PCDHA6: variants seen among roughly 807,000 people sequenced by gnomAD.
PCDHA6 encodes protocadherin alpha-6.
In PCDHA6, 55 loss-of-function variants were observed where a neutral mutation model predicts 60.3. That is an observed-to-expected ratio of 0.91 (90% confidence interval 0.73 to 1.14). PCDHA6 has a LOEUF of 1.14. PCDHA6 is among the 50% of genes most tolerant of loss of function. PCDHA6 has a pLI of 0.00. For missense variants in PCDHA6, 1,327 were observed against 1,256.5 expected (o/e 1.06, Z -0.85); for synonymous variants, 652 against 557.9 (o/e 1.17, Z -2.38).
intron 1 of PCDHA6, among the ~76,000 whole-genome samples, chr5:140,918,586 G>A (rs2078766446): frequency 6.6e-6 from 1 of 152,188 alleles, no homozygotes; most frequent in South Asian, 2.1e-4. Context: ...TTGGCTATAT[G>A]TTCTATAGAT....
intron 3 of PCDHA6, among the ~76,000 whole-genome samples, chr5:141,001,540 G>A (rs1318714170): frequency 6.6e-6 from 1 of 152,174 alleles, no homozygotes; most frequent in African/African-American, 2.4e-5. Flanking sequence ...TCCTGGACAG[G>A]ATTTGGGTTT....
chr5:140,918,786 A>T (rs2078853629), intron 1 of PCDHA6, among the ~76,000 whole-genome samples: 1 of 147,002 alleles, frequency 6.8e-6, no homozygotes, highest in African/African-American at 2.6e-5. Context: ...ATGTGAGGAC[A>T]CAGCAAAAAT....
chr5:140,843,922 A>C, intron 1 of PCDHA6: 1 of 591,956 alleles, frequency 1.7e-6, no homozygotes, highest in Non-Finnish European at 2.9e-6. Flanking sequence ...CTATCTTGAA[A>C]CTCAAGTTAT....
Position 140,883,733 on chromosome 5 carries a change from C to T in PCDHA6, c.2394+53248C>T, listed in dbSNP as rs1554179634. 2.5e-6 allele frequency: 4 copies of T among 1,613,458 alleles called. No individual in the cohort carries two copies. In the East Asian group the frequency reaches 6.7e-5, roughly 27 times the overall value. On this transcript the variant is annotated intron_variant, in intron 1 of 3. Coordinates refer to ENST00000529310, the MANE Select transcript of PCDHA6 (RefSeq NM_018909.4). ...GGACGCGGACGCACAGGAGAACGCG[C>T]TGGTCTCCTACTCGCTGGTGGAGCG...
intron 1 of PCDHA6, among the ~76,000 whole-genome samples, chr5:140,936,969 A>G (rs1391736933): frequency 2.0e-5 from 3 of 152,202 alleles, no homozygotes; most frequent in African/African-American, 7.2e-5. Context: ...ATCTATAAAA[A>G]TATGAAGCTT....
chr5:140,979,329 C>T (rs782808442), intron 2 of PCDHA6, among the ~76,000 whole-genome samples: 3 of 152,162 alleles, frequency 2.0e-5, no homozygotes, highest in Non-Finnish European at 2.9e-5. Flanking sequence ...TTCTTTTCCT[C>T]CTTTAAAAAC....
In PCDHA6 at chr5:140,829,337, G is replaced by A. The variant is rs2150166119; in HGVS notation, c.1246G>A (p.Glu416Lys). 3.5e-5 allele frequency: 57 copies of A among 1,614,146 alleles called. No homozygotes were observed. The highest frequency in any genetic ancestry group is 4.6e-5 in the Non-Finnish European group (54 of 1,180,068). Reference protein sequence around the residue: ...SLVLDSALDRESVSAYELVVT... With the variant: ...SLVLDSALDRKSVSAYELVVT... ...GGTGCTGGACAGTGCCCTGGACCGC[G>A]AGAGCGTGTCGGCCTATGAGTTGGT... Residue 416 changes from glutamate (E) to lysine (K), a missense_variant, in exon 1 of 4, where the codon GAG (glutamate) becomes AAG (lysine). Physicochemically the swap from Glu to Lys is moderately conservative, Grantham distance 56. Coordinates refer to ENST00000529310, the MANE Select transcript of PCDHA6 (RefSeq NM_018909.4).
chr5:140,999,144 G>A (rs2097848915), intron 3 of PCDHA6, among the ~76,000 whole-genome samples: 1 of 152,200 alleles, frequency 6.6e-6, no homozygotes, highest in Non-Finnish European at 1.5e-5. Context: ...ACAGCCGGAA[G>A]TCTTCAGTCC....
chr5:140,915,887 TC>T (rs1276492784), intron 1 of PCDHA6, among the ~76,000 whole-genome samples: 1 of 152,078 alleles, frequency 6.6e-6, no homozygotes, highest in African/African-American at 2.4e-5. Context: ...GGTAGCAAGT[TC>T]CCCCTGGCCC....
chr5:140,875,529 G>T (rs369713851), intron 1 of PCDHA6: 5 of 1,613,994 alleles, frequency 3.1e-6, no homozygotes, highest in Admixed American at 1.7e-5. Context: ...TCTCGCTTCT[G>T]CTCCTTGCAG....
intron 1 of PCDHA6, chr5:140,926,299 C>G (rs547710989): frequency 3.9e-5 from 6 of 152,464 alleles, no homozygotes; most frequent in Admixed American, 3.9e-4. Context: ...GAGTCCCGCC[C>G]TCTCCGCCGG....
intron 1 of PCDHA6, chr5:140,968,417 G>T (rs1459159857): frequency 3.7e-6 from 6 of 1,614,036 alleles, no homozygotes; most frequent in Non-Finnish European, 5.1e-6. Flanking sequence ...GACTGTGGAG[G>T]CTCAGGACAA....
rs1437399739 is a variant in PCDHA6, at chr5:140,853,000, TC to T, written c.2394+22518del. 9.7e-6 allele frequency: 3 copies of T among 308,008 alleles called. No homozygotes were observed. The East Asian group carries it at 5.1e-4, about 53-fold the overall frequency. 19.1% of individuals were successfully genotyped at this position (308,008 alleles called of 1,614,324 possible). ...TTCACGCCATTCTCCTGCCTCAGCC[TC>T]CCGAGTAGCTGGGACTACAGGCGCC... On this transcript the variant is annotated intron_variant, in intron 1 of 3. Transcript: ENST00000529310.
In PCDHA6 at chr5:140,843,348, C is replaced by T; in HGVS notation, c.2394+12863C>T. The T allele has an allele frequency of 1.9e-6, 3 of 1,596,106 alleles. No homozygotes were observed. The South Asian group carries it at 3.3e-5, about 18-fold the overall frequency. On this transcript the variant is annotated intron_variant, in intron 1 of 3. Transcript: ENST00000529310. ...TCGCTGGTGGAGAGCGGCCAGGCTC[C>T]AAAAGCGTCATCGAGGCAGTCGGCT...
chr5:140,848,892 T>C, intron 1 of PCDHA6: 1 of 1,601,494 alleles, frequency 6.2e-7, no homozygotes, highest in East Asian at 2.2e-5. Context: ...CCCTCCAGTG[T>C]TCCCAGCGAC....
intron 1 of PCDHA6, chr5:140,851,516 T>A: frequency 1.1e-6 from 1 of 906,322 alleles, no homozygotes; most frequent in African/African-American, 1.8e-5. Context: ...AAATATGTTT[T>A]AAAATGCCTG....
In PCDHA6 at chr5:140,828,856, A is replaced by G. The variant is rs2150159802; in HGVS notation, c.765A>G (p.Ala255=). ...SEYEVRIFEN[A]DNGTTVIRLN... is the part of the protein sequence containing the mutation. The stretch of plus-strand genomic sequence containing the variant: ...ACGAAGTAAGAATATTCGAAAATGC[A>G]GACAACGGAACAACAGTTATCAGAC... Residue 255 remains alanine (A), a synonymous_variant, in exon 1 of 4, where the codon GCA becomes GCG. Transcript: ENST00000529310. The G allele has an allele frequency of 6.2e-7, 1 of 1,614,138 alleles. No homozygotes were observed. Among genetic ancestry groups the G allele is most frequent in the Non-Finnish European group, 8.5e-7 (1 of 1,180,058 alleles).
chr5:140,972,280 T>C (rs1210047183), intron 1 of PCDHA6, among the ~76,000 whole-genome samples: 1 of 151,092 alleles, frequency 6.6e-6, no homozygotes, highest in South Asian at 2.1e-4. Context: ...GCTTGGACCA[T>C]AGATGTGCGC....
chr5:140,828,922 T>G lies in PCDHA6; in HGVS notation c.831T>G (p.Ile277Met), dbSNP rs1770031528. 1.9e-6 allele frequency: 3 copies of G among 1,614,078 alleles called. No individual in the cohort carries two copies. The highest frequency in any genetic ancestry group is 2.7e-5 in the African/African-American group (2 of 74,926). Residue 277 changes from isoleucine to methionine, a missense_variant, in exon 1 of 4, where the codon ATT becomes ATG. Ile to Met is a conservative substitution (Grantham distance 10, BLOSUM62 1). Transcript: ENST00000529310. Reference sequence around the variant, plus strand: ...GGGATGAAGGAGCGAATGGGGCAATTTCATATTCTTTTAATAGCCTTGTTG... The same window carrying G: ...GGGATGAAGGAGCGAATGGGGCAATGTCATATTCTTTTAATAGCCTTGTTG... The part of the protein sequence containing the change: ...SDRDEGANGA[I>M]SYSFNSLVAA...
Sources: gnomAD v4.1 joint callset for allele counts (sites outside exome capture counted in the v4.1 genomes callset) on GRCh38, gnomAD v4.1.1 for gene constraint, MANE v1.5 for transcripts, NCBI Gene and HGNC (gene_info 2026-07-23, HGNC 2026-07-21) for gene names.